The following ZMYND8 variants were observed in gnomAD, a reference collection of about 807,000 sequenced individuals.
ZMYND8 encodes the protein zinc finger MYND-type containing 8.
ZMYND8 carries 37 observed loss-of-function variants against 140.8 expected under a neutral mutation model. That is an observed-to-expected ratio of 0.26 (90% confidence interval 0.20 to 0.35). The LOEUF is 0.35. Ranked by LOEUF, ZMYND8 falls within the 10% of genes least tolerant of loss-of-function variation. ZMYND8 has a pLI of 1.00. For missense variants in ZMYND8, 1,068 were observed against 1,570.0 expected, an observed-to-expected ratio of 0.68 and a Z score of 5.40; for synonymous variants, 592 against 597.1, an observed-to-expected ratio of 0.99 and a Z score of 0.12.
chr20:47,217,092 G>A (rs1044120437), intron 21 of ZMYND8, among the ~76,000 whole-genome samples: 3 of 152,098 alleles, frequency 2.0e-5, no homozygotes, highest in Non-Finnish European at 2.9e-5. Flanking sequence ...TGGGAGACTG[G>A]GTTGTATTAG....
intron 11 of ZMYND8, among the ~76,000 whole-genome samples, chr20:47,270,035 A>G (rs2050096): frequency 0.86 from 130,923 of 152,144 alleles, 56,775 homozygotes; most frequent in East Asian, 1. Flanking sequence ...TTTGAGCCCA[A>G]GAGTTTGAGA....
chr20:47,223,600 G>A (rs192973587), intron 19 of ZMYND8, among the ~76,000 whole-genome samples: 1 of 148,538 alleles, frequency 6.7e-6, no homozygotes, highest in East Asian at 2.0e-4. Flanking sequence ...CAAGGTAGGT[G>A]GATCACCTGA....
chr20:47,350,899 A>G (rs1374037301), intron 1 of ZMYND8, among the ~76,000 whole-genome samples: 2 of 152,132 alleles, frequency 1.3e-5, no homozygotes, highest in Non-Finnish European at 2.9e-5. Context: ...AAAGCAAACA[A>G]TTTCTCACTC....
At chr20:47,247,655 A>G (rs1010097740) in intron 13 of ZMYND8, among the ~76,000 whole-genome samples, 1 of 152,220 alleles carries the variant, frequency 6.6e-6, no homozygotes, top group African/African-American at 2.4e-5. Flanking sequence ...AGTCTGTGCA[A>G]TCTCTTCATT....
chr20:47,246,394 T>C lies in ZMYND8; in HGVS notation c.1898A>G (p.Glu633Gly). Residue 633 changes from glutamate to glycine, a missense_variant, in exon 14 of 23, where the codon GAG (glutamate) becomes GGG (glycine). Coordinates refer to ENST00000471951, the MANE Select transcript of ZMYND8 (RefSeq NM_001281775.3). Reference protein sequence around the residue: ...ISDDEQKSKNEPEDTEDKEGC... With the variant: ...ISDDEQKSKNGPEDTEDKEGC... ...TTCTTTGTCCTCTGTGTCTTCTGGC[T>C]CGTTCTTAGACTTCTGCTCATCATC... is the stretch of plus-strand genomic sequence containing the variant. The C allele has an allele frequency of 6.2e-7, 1 of 1,614,174 alleles. No homozygotes were observed. The highest frequency in any genetic ancestry group is 8.5e-7 in the Non-Finnish European group (1 of 1,180,032).
At chr20:47,339,850 A>T (rs942968604) in intron 2 of ZMYND8, among the ~76,000 whole-genome samples, 14 of 152,150 alleles carry the variant, frequency 9.2e-5, no homozygotes, top group African/African-American at 3.4e-4. Context: ...TATCTTTATC[A>T]TCCCCATTTA....
At chr20:47,278,182 T>G (rs1346015107) in intron 10 of ZMYND8, among the ~76,000 whole-genome samples, 1 of 152,162 alleles carries the variant, frequency 6.6e-6, no homozygotes, top group Admixed American at 6.5e-5. Context: ...GGGGTCTCGC[T>G]ACATTACCCA....
chr20:47,339,609 T>TGGG (rs1044482674), intron 2 of ZMYND8, among the ~76,000 whole-genome samples: 13 of 152,078 alleles, frequency 8.5e-5, no homozygotes, highest in Admixed American at 6.5e-4. Context: ...CCTGAGTAGC[T>TGGG]GGGACTACAG....
chr20:47,312,694 G>T (rs2079027971), intron 2 of ZMYND8, among the ~76,000 whole-genome samples: 1 of 151,828 alleles, frequency 6.6e-6, no homozygotes, highest in African/African-American at 2.4e-5. Context: ...GGAGGCTGGG[G>T]CAGGATAATC....
At chr20:47,349,882 G>T (rs1274294075) in intron 1 of ZMYND8, 2 of 1,535,612 alleles carry the variant, frequency 1.3e-6, no homozygotes, top group Non-Finnish European at 1.7e-6. Context: ...CTGCAGCGAT[G>T]AAAACATTCA....
chr20:47,308,728 C>A (rs1053978851), intron 3 of ZMYND8, among the ~76,000 whole-genome samples: 1 of 152,142 alleles, frequency 6.6e-6, no homozygotes, highest in Non-Finnish European at 1.5e-5. Flanking sequence ...GGTTAACTTG[C>A]CCACAGCCAC....
intron 19 of ZMYND8, among the ~76,000 whole-genome samples, chr20:47,223,015 GAA>G (rs1315909198): frequency 6.6e-6 from 1 of 152,292 alleles, no homozygotes; most frequent in South Asian, 2.1e-4. Flanking sequence ...GCCCTTCACA[GAA>G]AAAGTTTACC....
At chr20:47,259,575 C>A (rs756318086) in intron 12 of ZMYND8, among the ~76,000 whole-genome samples, 1 of 152,108 alleles carries the variant, frequency 6.6e-6, no homozygotes, top group Non-Finnish European at 1.5e-5. Context: ...CACAGGTGGC[C>A]GCCCTCTCTT....
At chr20:47,305,740 G>A (rs558321777) in intron 3 of ZMYND8, among the ~76,000 whole-genome samples, 15 of 152,234 alleles carry the variant, frequency 9.9e-5, no homozygotes, top group African/African-American at 3.4e-4. Flanking sequence ...ATGCACCTAA[G>A]GCCATTCTGT....
At chr20:47,279,510 A>T (rs8118602) in intron 10 of ZMYND8, among the ~76,000 whole-genome samples, 5,606 of 107,234 alleles carry the variant, frequency 0.052, 320 homozygotes, top group African/African-American at 0.18. Flanking sequence ...AATAAATAAT[A>T]AAACAAGCCC....
chr20:47,356,435 G>A (rs2083248328), intron 1 of ZMYND8: 3 of 1,540,042 alleles, frequency 1.9e-6, no homozygotes, highest in Admixed American at 2.0e-5. Flanking sequence ...AAGGAAAGGT[G>A]TGCCAGGCCC....
intron 2 of ZMYND8, among the ~76,000 whole-genome samples, chr20:47,347,409 T>C (rs538259315): frequency 1.3e-5 from 2 of 152,348 alleles, no homozygotes; most frequent in South Asian, 4.2e-4. Context: ...CAGCAAGCTC[T>C]ACATTTCCTT....
intron 2 of ZMYND8, chr20:47,320,890 A>G (rs781322234): frequency 6.6e-6 from 1 of 152,210 alleles, no homozygotes; most frequent in African/African-American, 2.4e-5. Context: ...ATTGATGCCC[A>G]TATGTGAAAC....
chr20:47,331,714 G>A (rs775091182), intron 2 of ZMYND8, among the ~76,000 whole-genome samples: 2 of 152,186 alleles, frequency 1.3e-5, no homozygotes, highest in Non-Finnish European at 2.9e-5. Context: ...AGAAGGCAAA[G>A]GAAGAGAGAG....
Sources: gnomAD v4.1 joint callset for allele counts (sites outside exome capture counted in the v4.1 genomes callset) on GRCh38, gnomAD v4.1.1 for gene constraint, MANE v1.5 for transcripts, NCBI Gene and HGNC (gene_info 2026-07-23, HGNC 2026-07-21) for gene names.